SYT3: variants seen among roughly 807,000 people sequenced by gnomAD.
SYT3 encodes the protein synaptotagmin-3.
SYT3 carries 25 observed loss-of-function variants against 50.6 expected under a neutral mutation model. That is an observed-to-expected ratio of 0.49 (90% CI 0.36 to 0.69). The LOEUF (loss-of-function observed/expected upper bound fraction) is 0.69. Among genes scored for constraint, SYT3 ranks in the 30% least tolerant of loss-of-function variants. The probability of loss-of-function intolerance (pLI) is 0.00; values close to 1 mark genes in which losing one functional copy is unlikely to be tolerated. For missense variants in SYT3, 589 were observed against 793.6 expected (o/e 0.74, Z 3.10); for synonymous variants, 323 against 353.9 (o/e 0.91, Z 0.98).
chr19:50,626,150 C>T (rs1302456453), intron 6 of SYT3, 133 bp from the exon 7 acceptor site: 43 of 1,400,232 alleles, frequency 3.1e-5, no homozygotes, highest in Non-Finnish European at 3.9e-5. Context: ...ACTTAGCAAT[C>T]TGACTCTTGG....
the SYT3 span, among the ~76,000 whole-genome samples, chr19:50,652,167 T>C: frequency 6.6e-6 from 1 of 152,206 alleles, no homozygotes; most frequent in Non-Finnish European, 1.5e-5. Flanking sequence ...TTTTTGAATA[T>C]CATCTCATAC....
rs919878717 is a variant in SYT3 at position 50,632,596 on chromosome 19, C to G, written c.364G>C (p.Gly122Arg). The G allele has an allele frequency of 6.3e-7, 1 of 1,578,684 alleles. No homozygotes were observed. The highest frequency in any genetic ancestry group is 1.7e-5 in the Admixed American group (1 of 58,440). ...GGGHHLAAGLGGHPLLGGPHH... is the reference protein window; with the variant it reads ...GGGHHLAAGLRGHPLLGGPHH... ...GGGCCGCCCAGCAGAGGATGGCCAC[C>G]CAGGCCAGCCGCCAGGTGGTGCCCG... is the stretch of plus-strand genomic sequence containing the variant. Residue 122 changes from glycine (G) to arginine (R), a missense_variant, in exon 4 of 11, where the codon GGT (glycine) becomes CGT (arginine). Transcript: ENST00000600079. This position sits in a 1 kb window ranked among gnomAD's most constrained non-coding sequence, Gnocchi z 4.7.
Position 50,625,472 on chromosome 19 carries a change from T to C in SYT3, c.1495A>G (p.Asn499Asp). The change falls in exon 8 of 11, where the codon AAT becomes GAT. Residue 499 changes from asparagine to aspartate, a missense_variant. Physicochemically the swap from Asn to Asp is conservative, Grantham distance 23. Coordinates refer to ENST00000600079, the MANE Select transcript of SYT3 (RefSeq NM_001160329.2). The surrounding 1 kb of genome is among the most constrained non-coding windows in gnomAD (Gnocchi z 7.5). ...GCCACGTCGAACACCAGCGCCTCATTATAGGTGGGGTTCAGCGTGTTCTTC... is the reference window on the plus strand; with the variant it reads ...GCCACGTCGAACACCAGCGCCTCATCATAGGTGGGGTTCAGCGTGTTCTTC... ...IKKNTLNPTY[N>D]EALVFDVAPE... is the part of the protein sequence containing the mutation. 6.2e-7 allele frequency: 1 copy of C among 1,605,084 alleles called. No homozygotes were observed.
the SYT3 span, among the ~76,000 whole-genome samples, chr19:50,646,810 A>ATTATTTAT: frequency 1.9e-3 from 286 of 150,782 alleles, no homozygotes; most frequent in South Asian, 7.2e-3. Flanking sequence ...TGTGGGAGGG[A>ATTATTTAT]TTATTTATTT....
chr19:50,655,491 A>G, the SYT3 span, among the ~76,000 whole-genome samples: 2 of 152,272 alleles, frequency 1.3e-5, no homozygotes, highest in East Asian at 3.9e-4. Context: ...TCTACTAAAA[A>G]TACAAAAATT....
chr19:50,625,211 A>G lies in SYT3; in HGVS notation c.1658T>C (p.Met553Thr). 1 of 1,601,062 alleles carries G rather than the reference A, an allele frequency of 6.2e-7. No individual in the cohort carries two copies. Among genetic ancestry groups the G allele is most frequent in the African/African-American group, 1.3e-5 (1 of 74,956 alleles). ...CACGGGCTTGCGGGGATTGGCCAGC[A>G]TCTCTGCCCAGTGCTCGCGGCCGTG... is the stretch of plus-strand genomic sequence containing the variant. ...DPHGREHWAE[M>T]LANPRKPVEH... Residue 553 changes from methionine to threonine, a missense_variant, in exon 9 of 11, where the codon ATG becomes ACG. By Grantham distance (81) the Met-to-Thr change is moderately conservative. This residue lies in a region of SYT3 where 273 missense variants were observed against 439.3 expected (regional missense o/e 0.62). Transcript: ENST00000600079. This position sits in a 1 kb window ranked among gnomAD's most constrained non-coding sequence, Gnocchi z 7.5.
At chr19:50,623,505 C>T (rs904279124) in intron 9 of SYT3, among the ~76,000 whole-genome samples, 9 of 151,240 alleles carry the variant, frequency 6.0e-5, no homozygotes, top group Non-Finnish European at 1.0e-4. Flanking sequence ...TGGCCAGGCG[C>T]GGTGGCTCAC....
chr19:50,649,376 T>A, the SYT3 span: 1 of 1,462,900 alleles, frequency 6.8e-7, no homozygotes, highest in Non-Finnish European at 9.3e-7. Flanking sequence ...GAGAAGGAGC[T>A]GGGGTGGGTG....
In SYT3 at chr19:50,625,242, C is replaced by T. The variant is rs771552981; in HGVS notation, c.1627G>A (p.Asp543Asn). The T allele has an allele frequency of 1.9e-5, 30 of 1,567,566 alleles. No homozygotes were observed. Among genetic ancestry groups the T allele is most frequent in the Non-Finnish European group, 2.2e-5 (25 of 1,161,110 alleles). The change falls in exon 9 of 11, where the codon GAC becomes AAC. Residue 543 changes from aspartate to asparagine, a missense_variant. Physicochemically the swap from Asp to Asn is conservative, Grantham distance 23. Around this residue, in one of 2 missense-constraint regions of SYT3, gnomAD observed 273 missense variants for 439.3 expected, o/e 0.62. Transcript: ENST00000600079. The surrounding 1 kb of genome is among the most constrained non-coding windows in gnomAD (Gnocchi z 7.5). ...GCCCAGTGCTCGCGGCCGTGCGGGT[C>T]GGCAGCGTCGGGGCCCACACGGCAC... ...GVCRVGPDAA[D>N]PHGREHWAEM...
intron 6 of SYT3, 126 bp from the exon 7 acceptor site, chr19:50,626,143 T>C: frequency 7.1e-7 from 1 of 1,411,714 alleles, no homozygotes; most frequent in Non-Finnish European, 9.4e-7. Flanking sequence ...CCCATCCACT[T>C]AGCAATCTGA....
Position 50,629,389 on chromosome 19 carries a change from C to T in SYT3, c.1186G>A (p.Asp396Asn). Reference protein sequence around the residue: ...VYDFDRFSRHDLIGQVVLDNL... With the variant: ...VYDFDRFSRHNLIGQVVLDNL... Reference sequence around the variant, plus strand: ...TCCAGCACCACCTGGCCGATGAGGTCGTGCCGCGAGAAGCGGTCAAAGTCA... The same window carrying T: ...TCCAGCACCACCTGGCCGATGAGGTTGTGCCGCGAGAAGCGGTCAAAGTCA... The change falls in exon 6 of 11, where the codon GAC becomes AAC. Residue 396 changes from aspartate to asparagine, a missense_variant. Asp to Asn is a conservative substitution (Grantham distance 23). This residue lies in a region of SYT3 where 273 missense variants were observed against 439.3 expected (regional missense o/e 0.62). Coordinates refer to ENST00000600079, the MANE Select transcript of SYT3 (RefSeq NM_001160329.2). 1.1e-5 allele frequency: 17 copies of T among 1,613,898 alleles called. No individual in the cohort carries two copies. Among genetic ancestry groups the T allele is most frequent in the Middle Eastern group, 1.7e-4 (1 of 6,058 alleles).
chr19:50,625,969 TGG>T lies in SYT3; in HGVS notation c.1328_1329del (p.Pro443HisfsTer14). The T allele has an allele frequency of 6.2e-7, 1 of 1,614,072 alleles. No homozygotes were observed. The highest frequency in any genetic ancestry group is 8.5e-7 in the Non-Finnish European group (1 of 1,179,998). On this transcript the variant is annotated frameshift_variant, in exon 7 of 11. Transcript: ENST00000600079. LOFTEE classifies it high-confidence loss of function. This position sits in a 1 kb window ranked among gnomAD's most constrained non-coding sequence, Gnocchi z 7.5. ...ATGGTCACGGTGAGGCGCCCGGCCGTGGGGAGGTAGCAGAGTGAGAAGTTGAG... is the reference window on the plus strand; with the variant it reads ...ATGGTCACGGTGAGGCGCCCGGCCGTGGAGGTAGCAGAGTGAGAAGTTGAG... ...GELNFSLCYLPTAGRLTVTII... is the reference protein window; with the variant it reads ...GELNFSLCYLXTAGRLTVTII...
upstream of SYT3, among the ~76,000 whole-genome samples, chr19:50,644,130 C>T (rs181828156): frequency 5.3e-5 from 8 of 152,276 alleles, no homozygotes; most frequent in East Asian, 7.7e-4. Context: ...CAGTACCTGG[C>T]GCATGGTAGG....
rs1286377997 is a variant in SYT3, at chr19:50,625,428, G to A, written c.1539C>T (p.Asn513=). Residue 513 remains asparagine (N), a synonymous_variant, in exon 8 of 11, where the codon AAC becomes AAT. Transcript: ENST00000600079. This position sits in a 1 kb window ranked among gnomAD's most constrained non-coding sequence, Gnocchi z 7.5. ...VFDVAPESVE[N]VGLSIAVVDY... ...CTACCACGGCGATGCTGAGCCCCAC[G>A]TTCTCCACGCTCTCGGGGGCCACGT... 30 of 1,564,380 alleles carry A rather than the reference G, an allele frequency of 1.9e-5. No homozygotes were observed. The highest frequency in any genetic ancestry group is 2.2e-5 in the Non-Finnish European group (25 of 1,154,490).
rs943847675 is a variant in SYT3 at position 50,639,622 on chromosome 19, G to A, written c.-154+168C>T. ...AGGTGTTTCGGGACCCCCTTCCAGG[G>A]CCACGTGCCCCTCCCCCGGGGTGGC... On this transcript the variant is annotated intron_variant, in intron 1 of 10. Transcript: ENST00000600079. This position sits in a 1 kb window ranked among gnomAD's most constrained non-coding sequence, Gnocchi z 4.6. 6.6e-6 allele frequency among the ~76,000 whole-genome samples: 1 copy of A among 151,822 alleles called. No homozygotes were observed. The highest frequency in any genetic ancestry group is 1.5e-5 in the Non-Finnish European group (1 of 67,898).
chr19:50,626,091 G>C, intron 6 of SYT3, 74 bp from the exon 7 acceptor site: 1 of 1,538,668 alleles, frequency 6.5e-7, no homozygotes, highest in Non-Finnish European at 8.8e-7. Flanking sequence ...CTCTCCGGTC[G>C]GAGCCTCCTG....
intron 6 of SYT3, among the ~76,000 whole-genome samples, chr19:50,628,725 T>C (rs947450605): frequency 9.9e-5 from 15 of 151,572 alleles, no homozygotes; most frequent in African/African-American, 3.6e-4. Context: ...AGGCATCCTA[T>C]GGCAAAGCGG....
chr19:50,633,561 G>A (rs1042718111), intron 3 of SYT3, among the ~76,000 whole-genome samples: 1 of 152,176 alleles, frequency 6.6e-6, no homozygotes, highest in Non-Finnish European at 1.5e-5. Flanking sequence ...AATCACGCTT[G>A]CTGTGTGGCC....
intron 9 of SYT3, among the ~76,000 whole-genome samples, chr19:50,623,689 C>A (rs1453964372): frequency 6.8e-6 from 1 of 146,314 alleles, no homozygotes; most frequent in Non-Finnish European, 1.5e-5. Flanking sequence ...GTAGTCCCAG[C>A]TACTTGGGAG....
Sources: gnomAD v4.1 joint callset for allele counts (sites outside exome capture counted in the v4.1 genomes callset) on GRCh38, gnomAD v4.1.1 for gene constraint, gnomAD v4.1.1 regional missense constraint, Gnocchi (gnomAD v3.1) non-coding constraint, MANE v1.5 for transcripts, NCBI Gene and HGNC (gene_info 2026-07-23, HGNC 2026-07-21) for gene names.